GLRA2: variants seen among roughly 807,000 people sequenced by gnomAD.
GLRA2 encodes glycine receptor subunit alpha-2.
GLRA2 carries 11 observed loss-of-function variants against 31.6 expected under a neutral mutation model. That is an observed-to-expected ratio of 0.35 (90% CI 0.22 to 0.58). The LOEUF (loss-of-function observed/expected upper bound fraction) is 0.58. Ranked by LOEUF, GLRA2 falls within the 20% of genes least tolerant of loss-of-function variation. GLRA2 has a pLI of 0.84. For missense variants in GLRA2, 212 were observed against 351.8 expected, an observed-to-expected ratio of 0.60 and a Z score of 3.18; for synonymous variants, 132 against 134.0, an observed-to-expected ratio of 0.99 and a Z score of 0.10.
At chrX:14,574,652 G>A (rs1400463936) in intron 3 of GLRA2, 3 of 647,433 alleles carry the variant, frequency 4.6e-6, no homozygotes, top group African/African-American at 2.2e-5. Context: ...TTTACTGAGT[G>A]CCAATTTCCA....
At chrX:14,596,738 A>G (rs1019479597) in intron 4 of GLRA2, among the ~76,000 whole-genome samples, 9 of 111,619 alleles carry the variant, frequency 8.1e-5, no homozygotes, top group Non-Finnish European at 1.1e-4. Flanking sequence ...CTTTTTGTCT[A>G]TCACATTGAC....
chrX:14,666,336 AAATTAAT>A (rs1473518720), intron 7 of GLRA2, among the ~76,000 whole-genome samples: 1 of 112,155 alleles, frequency 8.9e-6, no homozygotes, highest in Non-Finnish European at 1.9e-5. Context: ...GGCTTTCTGA[AAATTAAT>A]AATTAATAGT....
chrX:14,555,686 C>T (rs886258123), intron 2 of GLRA2, among the ~76,000 whole-genome samples: 11 of 112,081 alleles, frequency 9.8e-5, no homozygotes, highest in African/African-American at 3.2e-4. Flanking sequence ...ATAGGTTTAG[C>T]TTAAACATTT....
At position 14,640,770 on chromosome X, in the gene GLRA2, G is replaced by A. The variant is rs181484831; in HGVS notation, c.930+31565G>A. On this transcript the variant is annotated intron_variant, in intron 7 of 8. Transcript: ENST00000218075. ...TTTCCCTTTTGTTGTCCGTTCTCCT[G>A]TTGGTGGGCATCACTTCCAGGTTTT... Among the ~76,000 whole-genome samples the A allele has an allele frequency of 2.8e-4, 31 of 111,179 alleles. No homozygotes were observed. The East Asian group carries it at 5.4e-3, about 19-fold the overall frequency.
the GLRA2 span, among the ~76,000 whole-genome samples, chrX:14,466,740 T>G: frequency 7.1e-5 from 8 of 112,102 alleles, no homozygotes; most frequent in Non-Finnish European, 1.1e-4. Flanking sequence ...CCTTTTAGTA[T>G]CCTGAGGAAA....
chrX:14,697,784 C>G (rs957367090), intron 8 of GLRA2, among the ~76,000 whole-genome samples: 3 of 111,854 alleles, frequency 2.7e-5, no homozygotes, highest in African/African-American at 9.8e-5. Context: ...GTTCTGTACA[C>G]ATAAAAAGGA....
At chrX:14,698,253 C>A (rs1250114229) in intron 8 of GLRA2, among the ~76,000 whole-genome samples, 1 of 111,395 alleles carries the variant, frequency 9.0e-6, no homozygotes, top group African/African-American at 3.3e-5. Flanking sequence ...TTTGGGTACC[C>A]CCTCAGATTT....
chrX:14,466,360 T>A, the GLRA2 span, among the ~76,000 whole-genome samples: 2 of 111,515 alleles, frequency 1.8e-5, no homozygotes. Context: ...TCTACCTCCC[T>A]GTTGTAAATC....
At chrX:14,650,978 C>T (rs912880452) in intron 7 of GLRA2, among the ~76,000 whole-genome samples, 1 of 111,780 alleles carries the variant, frequency 8.9e-6, no homozygotes, top group Non-Finnish European at 1.9e-5. Flanking sequence ...AAAATGTGTT[C>T]TTGTTTGGAG....
At position 14,574,408 on chromosome X, in the gene GLRA2, C is replaced by T. The variant is rs777557928; in HGVS notation, c.270+8C>T. 1 of 1,166,987 alleles carries T rather than the reference C, an allele frequency of 8.6e-7. No homozygotes were observed. ...GTCACAGAAACGACCATGGTAAGTG[C>T]TGCAATGCCACTGGCAAGAGAAAGA... is the stretch of plus-strand genomic sequence containing the variant. On this transcript the variant is annotated splice_region_variant and intron_variant, in intron 3 of 8. Transcript: ENST00000218075.
chrX:14,554,450 A>C (rs1250819356), intron 2 of GLRA2, among the ~76,000 whole-genome samples: 1 of 111,321 alleles, frequency 9.0e-6, no homozygotes, highest in African/African-American at 3.3e-5. Context: ...GTGCTTTAAG[A>C]TCTCTTTTGA....
intron 7 of GLRA2, among the ~76,000 whole-genome samples, 169 bp downstream of exon 7, chrX:14,609,374 T>C (rs1440790549): frequency 2.7e-5 from 3 of 110,955 alleles, no homozygotes; most frequent in Non-Finnish European, 5.7e-5. Context: ...TCTGGGAACA[T>C]GGGGAACCCT....
intron 7 of GLRA2, among the ~76,000 whole-genome samples, chrX:14,627,595 T>C (rs1459876106): frequency 9.0e-6 from 1 of 111,428 alleles, no homozygotes; most frequent in Non-Finnish European, 1.9e-5. Context: ...CAATTTTGAG[T>C]AATCACAGTA....
chrX:14,655,090 A>C (rs2090926790), intron 7 of GLRA2, among the ~76,000 whole-genome samples: 1 of 111,401 alleles, frequency 9.0e-6, no homozygotes, highest in African/African-American at 3.3e-5. Flanking sequence ...CCATATCAAC[A>C]GTATTCCAAA....
At chrX:14,545,739 TC>T (rs372153327) in intron 2 of GLRA2, among the ~76,000 whole-genome samples, 46 of 111,630 alleles carry the variant, frequency 4.1e-4, no homozygotes, top group African/African-American at 1.5e-3. Context: ...TCACAGCTTC[TC>T]CATTTCCAAG....
the GLRA2 span, among the ~76,000 whole-genome samples, chrX:14,462,476 A>G: frequency 8.9e-6 from 1 of 111,959 alleles, no homozygotes; most frequent in Non-Finnish European, 1.9e-5. Flanking sequence ...AGTCACTTTC[A>G]CGTACACCAA....
rs369546598 is a variant in GLRA2 at position 14,557,758 on chromosome X, G to A, written c.203-16575G>A. Reference sequence around the variant, plus strand: ...AAGTGGTGCTACTGGCATCTAGTGGGTAGAGGAGGGGGATGCTGCTACACA... The same window carrying A: ...AAGTGGTGCTACTGGCATCTAGTGGATAGAGGAGGGGGATGCTGCTACACA... On this transcript the variant is annotated intron_variant, in intron 2 of 8. Transcript: ENST00000218075. 5.4e-4 allele frequency among the ~76,000 whole-genome samples: 60 copies of A among 111,327 alleles called. 1 individual carries two copies. In the South Asian group the frequency reaches 0.023, roughly 42 times the overall value.
chrX:14,719,797 T>C (rs966064410), intron 8 of GLRA2, among the ~76,000 whole-genome samples: 2 of 112,046 alleles, frequency 1.8e-5, no homozygotes, highest in African/African-American at 6.5e-5. Flanking sequence ...AAAATCAACA[T>C]ACATATCCAT....
At chrX:14,588,932 C>A (rs2090111395) in intron 4 of GLRA2, among the ~76,000 whole-genome samples, 1 of 111,996 alleles carries the variant, frequency 8.9e-6, no homozygotes, top group Admixed American at 9.5e-5. Context: ...GATTTTGTGT[C>A]CTAAAATTGT....
Sources: gnomAD v4.1 joint callset for allele counts (sites outside exome capture counted in the v4.1 genomes callset) on GRCh38, gnomAD v4.1.1 for gene constraint, MANE v1.5 for transcripts, NCBI Gene and HGNC (gene_info 2026-07-23, HGNC 2026-07-21) for gene names.